The following PRKN variants were observed in gnomAD, a reference collection of about 807,000 sequenced individuals.
The protein encoded by PRKN is parkin RBR E3 ubiquitin protein ligase.
A neutral mutation model predicts 59.5 loss-of-function variants in PRKN; 56 were observed. The ratio of observed to expected loss-of-function variants is 0.94; its 90% CI spans 0.76 to 1.18. PRKN has a LOEUF of 1.18. Among genes scored for constraint, PRKN ranks in the 50% most tolerant of loss-of-function variants. The pLI is 0.00. For missense variants in PRKN, 657 were observed against 596.4 expected (o/e 1.10, Z -1.06); for synonymous variants, 250 against 222.1 (o/e 1.13, Z -1.12).
At chr6:162,005,310 T>C (rs1275733770) in intron 5 of PRKN, among the ~76,000 whole-genome samples, 1 of 152,156 alleles carries the variant, frequency 6.6e-6, no homozygotes, top group Non-Finnish European at 1.5e-5. Context: ...AGGAAAGTTG[T>C]TCACATTGGG....
Position 162,556,366 on chromosome 6 carries a change from T to TGCGC in PRKN, c.8-112894_8-112893insGCGC, listed in dbSNP as rs1554243442. On this transcript the variant is annotated intron_variant, in intron 1 of 11. Coordinates refer to ENST00000366898, the MANE Select transcript of PRKN (RefSeq NM_004562.3). ...TGGTGTGTGTGTGTGTGTGTGTGTG[T>TGCGC]GTGTGTGTGTGTGTGTGTGTGTGTG... Among the ~76,000 whole-genome samples, 16 of 98,362 alleles carry TGCGC rather than the reference T, an allele frequency of 1.6e-4. 1 individual carries two copies. In the East Asian group the frequency reaches 0.011, roughly 66 times the overall value. The allele number at this position is 98,362 out of a possible 152,430, so 64.5% of individuals were successfully genotyped here. A position where few individuals can be genotyped will look rare whatever the true frequency, so the allele number is the denominator to read the frequency against.
Position 161,441,506 on chromosome 6 carries a change from G to C in PRKN, c.1084-54629C>G, listed in dbSNP as rs188760519. 2.7e-3 allele frequency among the ~76,000 whole-genome samples: 415 copies of C among 152,118 alleles called. 2 individuals are homozygous for C. Among genetic ancestry groups the C allele is most frequent in the African/African-American group, 9.2e-3 (383 of 41,490 alleles). On this transcript the variant is annotated intron_variant, in intron 9 of 11. Transcript: ENST00000366898. ...CTAAAAATACAAAAATTTGCTGGGC[G>C]TGGTGGCACGTGCCTGTGATCCCAG...
At chr6:162,508,959 G>A (rs544476089) in intron 1 of PRKN, among the ~76,000 whole-genome samples, 42 of 152,280 alleles carry the variant, frequency 2.8e-4, no homozygotes, top group African/African-American at 7.9e-4. Context: ...TGCTATTCAA[G>A]TGAGAATGCT....
Position 162,325,030 on chromosome 6 carries a change from C to T in PRKN, c.172-62265G>A, listed in dbSNP as rs951690692. Among the ~76,000 whole-genome samples the T allele has an allele frequency of 4.6e-5, 7 of 151,694 alleles. No individual in the cohort carries two copies. In the East Asian group the frequency reaches 5.8e-4, roughly 13 times the overall value. On this transcript the variant is annotated intron_variant, in intron 2 of 11. Coordinates refer to ENST00000366898, the MANE Select transcript of PRKN (RefSeq NM_004562.3). ...AACTGGCATTAAGAACTAAGCAGAA[C>T]GAGGATATTTTAATTTGGAAAAAAA...
intron 7 of PRKN, among the ~76,000 whole-genome samples, chr6:161,757,412 A>G (rs1788972422): frequency 6.6e-6 from 1 of 152,240 alleles, no homozygotes; most frequent in Non-Finnish European, 1.5e-5. Flanking sequence ...ATTTTAAAAT[A>G]TGAGCAACCA....
chr6:161,744,224 A>G (rs749809233), intron 7 of PRKN, among the ~76,000 whole-genome samples: 1 of 151,992 alleles, frequency 6.6e-6, no homozygotes, highest in South Asian at 2.1e-4. Context: ...ATGCTCCTCA[A>G]ATTGGGAAAC....
intron 2 of PRKN, among the ~76,000 whole-genome samples, chr6:162,311,012 C>A (rs949798661): frequency 1.3e-5 from 2 of 152,048 alleles, no homozygotes; most frequent in Admixed American, 6.6e-5. Flanking sequence ...ATGACCATAG[C>A]GTTCTTTTTA....
chr6:162,067,630 C>T (rs1205735654), intron 4 of PRKN, among the ~76,000 whole-genome samples: 3 of 152,142 alleles, frequency 2.0e-5, no homozygotes, highest in Non-Finnish European at 2.9e-5. Context: ...GCAGATTACA[C>T]GCGACATGCA....
intron 2 of PRKN, among the ~76,000 whole-genome samples, chr6:162,310,311 T>C (rs6930668): frequency 0.76 from 114,896 of 152,064 alleles, 44,543 homozygotes; most frequent in African/African-American, 0.92. Context: ...AGCTTCTTCC[T>C]TGGATGCCCT....
chr6:161,895,153 C>T (rs972204709), intron 6 of PRKN, among the ~76,000 whole-genome samples: 2 of 152,152 alleles, frequency 1.3e-5, no homozygotes, highest in Non-Finnish European at 2.9e-5. Context: ...TAATGTAAAG[C>T]TTCACATTTA....
Position 161,520,642 on chromosome 6 carries a change from C to T in PRKN, c.1083+28212G>A, listed in dbSNP as rs533945666. Among the ~76,000 whole-genome samples, 4 of 152,234 alleles carry T rather than the reference C, an allele frequency of 2.6e-5. No individual in the cohort carries two copies. The South Asian group carries it at 8.3e-4, about 32-fold the overall frequency. On this transcript the variant is annotated intron_variant, in intron 9 of 11. Transcript: ENST00000366898. ...AACAAAGAGGATACAGCTAAAGATT[C>T]CCTAAAGTTTGAGTCCTGGGTCTTA...
chr6:161,772,176 G>T lies in PRKN; in HGVS notation c.871+13596C>A, dbSNP rs115699476. 7.3e-3 allele frequency among the ~76,000 whole-genome samples: 1,114 copies of T among 151,730 alleles called. 20 individuals are homozygous for T. Among genetic ancestry groups the T allele is most frequent in the South Asian group, 0.038 (181 of 4,804 alleles). ...TACAGCTAGAACAGTATTTTTTTTT[G>T]AACCTGTCTGCACCAGGAATAATAT... On this transcript the variant is annotated intron_variant, in intron 7 of 11. Coordinates refer to ENST00000366898, the MANE Select transcript of PRKN (RefSeq NM_004562.3).
At chr6:162,261,974 C>T (rs566246757) in intron 3 of PRKN, among the ~76,000 whole-genome samples, 29 of 152,190 alleles carry the variant, frequency 1.9e-4, no homozygotes, top group Non-Finnish European at 3.4e-4. Context: ...CAACTTCTAC[C>T]CTGTAAAGTC....
At chr6:161,645,617 A>C (rs1203805052) in intron 7 of PRKN, among the ~76,000 whole-genome samples, 1 of 152,224 alleles carries the variant, frequency 6.6e-6, no homozygotes, top group African/African-American at 2.4e-5. Context: ...AGTTTCATTC[A>C]ATTTATATTA....
intron 2 of PRKN, among the ~76,000 whole-genome samples, chr6:162,435,368 C>G (rs1789720996): frequency 6.6e-6 from 1 of 151,232 alleles, no homozygotes; most frequent in Non-Finnish European, 1.5e-5. Flanking sequence ...TTCTTCAAGT[C>G]TATGCTTATT....
At chr6:161,841,176 G>T (rs1583232523) in intron 6 of PRKN, among the ~76,000 whole-genome samples, 4 of 152,242 alleles carry the variant, frequency 2.6e-5, no homozygotes, top group Admixed American at 2.6e-4. Context: ...CTTAATAAAT[G>T]AATCCAGGAA....
At chr6:162,128,360 G>C (rs149843668) in intron 4 of PRKN, among the ~76,000 whole-genome samples, 2 of 152,158 alleles carry the variant, frequency 1.3e-5, no homozygotes, top group Admixed American at 6.6e-5. Flanking sequence ...GGGTCATACA[G>C]CCTGAAGATA....
At chr6:161,872,436 C>G (rs1232261231) in intron 6 of PRKN, among the ~76,000 whole-genome samples, 2 of 152,120 alleles carry the variant, frequency 1.3e-5, no homozygotes, top group Non-Finnish European at 2.9e-5. Flanking sequence ...TCCATTGCAT[C>G]AAGTATCCAA....
At chr6:162,327,280 G>A (rs769064464) in intron 2 of PRKN, among the ~76,000 whole-genome samples, 8 of 152,128 alleles carry the variant, frequency 5.3e-5, no homozygotes, top group Non-Finnish European at 1.0e-4. Flanking sequence ...ATTACTTATC[G>A]TGTCAATCAC....
Sources: gnomAD v4.1 joint callset for allele counts (sites outside exome capture counted in the v4.1 genomes callset) on GRCh38, gnomAD v4.1.1 for gene constraint, MANE v1.5 for transcripts, NCBI Gene and HGNC (gene_info 2026-07-23, HGNC 2026-07-21) for gene names.